The following TTC23 variants were observed in gnomAD, a reference collection of about 807,000 sequenced individuals.
TTC23 encodes tetratricopeptide repeat domain 23, also known as tetratricopeptide repeat protein 23.
TTC23 carries 58 observed loss-of-function variants against 55.1 expected under a neutral mutation model. The observed-to-expected ratio is 1.05, with a 90% CI of 0.85 to 1.31. The LOEUF (loss-of-function observed/expected upper bound fraction) is 1.31, where lower values mean the gene tolerates loss of function less well. Among genes scored for constraint, TTC23 ranks in the 50% most tolerant of loss-of-function variants. TTC23 has a pLI of 0.00. For missense variants in TTC23, 516 were observed against 534.4 expected, an observed-to-expected ratio of 0.97 and a Z score of 0.34; for synonymous variants, 203 against 199.9, an observed-to-expected ratio of 1.02 and a Z score of -0.13.
upstream of TTC23, among the ~76,000 whole-genome samples, chr15:99,251,002 T>TA (rs1333348182): frequency 2.0e-5 from 3 of 152,314 alleles, no homozygotes; most frequent in South Asian, 6.2e-4. Context: ...AGATAATCTA[T>TA]AAACAGCTCT....
chr15:99,250,967 T>A (rs1198412355), upstream of TTC23, among the ~76,000 whole-genome samples: 1 of 152,184 alleles, frequency 6.6e-6, no homozygotes, highest in Non-Finnish European at 1.5e-5. Flanking sequence ...CCCTGTGTCA[T>A]GGGATTGCTG....
chr15:99,139,930 C>A (rs1191876751), intron 12 of TTC23: 7 of 366,080 alleles, frequency 1.9e-5, no homozygotes, highest in African/African-American at 4.2e-5. Context: ...TACTTTAAGT[C>A]TTGCCATTTG....
intron 8 of TTC23, 130 bp downstream of exon 8, chr15:99,218,458 C>T: frequency 8.1e-7 from 1 of 1,231,228 alleles, no homozygotes; most frequent in Non-Finnish European, 1.1e-6. Context: ...TCCTCTTTTA[C>T]TTTTACACAG....
intron 9 of TTC23, among the ~76,000 whole-genome samples, chr15:99,176,980 G>C (rs1270474060): frequency 6.6e-6 from 1 of 152,170 alleles, no homozygotes; most frequent in African/African-American, 2.4e-5. Context: ...GTCCTCAGGA[G>C]CTGTGATTCA....
At chr15:99,231,238 A>G (rs1349415028) in intron 4 of TTC23, among the ~76,000 whole-genome samples, 2 of 152,266 alleles carry the variant, frequency 1.3e-5, no homozygotes, top group African/African-American at 4.8e-5. Flanking sequence ...TATTTAATAT[A>G]CTACATTTTA....
intron 9 of TTC23, among the ~76,000 whole-genome samples, chr15:99,178,696 C>G (rs2073839559): frequency 6.6e-6 from 1 of 152,202 alleles, no homozygotes; most frequent in Non-Finnish European, 1.5e-5. Flanking sequence ...CCTATCTACC[C>G]TTACTCTTGT....
At chr15:99,177,816 C>T (rs1458866952) in intron 9 of TTC23, among the ~76,000 whole-genome samples, 1 of 152,144 alleles carries the variant, frequency 6.6e-6, no homozygotes, top group Non-Finnish European at 1.5e-5. Context: ...TCTGAAAACA[C>T]TGTAAGTTGT....
rs1255689651 is a variant in TTC23, at chr15:99,164,562, A to G, written c.866-2695T>C. On this transcript the variant is annotated intron_variant, in intron 10 of 13. Transcript: ENST00000394132. ...TGACATTTCCACTTGGAAATATCAT[A>G]TTTATTATGGAGCACTGTACAAACC... Among the ~76,000 whole-genome samples, 4 of 152,306 alleles carry G rather than the reference A, an allele frequency of 2.6e-5. No individual in the cohort carries two copies. In the East Asian group the frequency reaches 7.7e-4, roughly 29 times the overall value.
chr15:99,228,298 T>G (rs2078633356), intron 5 of TTC23: 1 of 347,362 alleles, frequency 2.9e-6, no homozygotes, highest in South Asian at 1.3e-4. Flanking sequence ...TCCCAATGCC[T>G]AGACTTGGCA....
chr15:99,204,849 T>C (rs532349188), intron 8 of TTC23, among the ~76,000 whole-genome samples: 1 of 152,046 alleles, frequency 6.6e-6, no homozygotes, highest in Non-Finnish European at 1.5e-5. Context: ...TTGCCCAGAC[T>C]GGTCTTGAAC....
chr15:99,217,760 C>T (rs1412261288), intron 8 of TTC23, among the ~76,000 whole-genome samples: 1 of 152,230 alleles, frequency 6.6e-6, no homozygotes, highest in East Asian at 1.9e-4. Context: ...GTTCTTCCCA[C>T]TTTCCATTCA....
At chr15:99,228,351 C>T in intron 5 of TTC23, 182 bp downstream of exon 5, 1 of 462,392 alleles carries the variant, frequency 2.2e-6, no homozygotes, top group East Asian at 3.3e-5. Context: ...GCCATGCGAA[C>T]TGCTGTGCTT....
chr15:99,235,239 C>T (rs1239108586), intron 3 of TTC23, among the ~76,000 whole-genome samples, 159 bp from the exon 4 acceptor site: 1 of 151,868 alleles, frequency 6.6e-6, no homozygotes, highest in Non-Finnish European at 1.5e-5. Flanking sequence ...CAGAGGAAGA[C>T]ACCATCTCAA....
chr15:99,147,225 C>CTT (rs58503901), intron 12 of TTC23, among the ~76,000 whole-genome samples: 4 of 112,590 alleles, frequency 3.6e-5, no homozygotes, highest in Non-Finnish European at 7.0e-5. Context: ...AAATTCATTC[C>CTT]TTTTTTTTTT....
chr15:99,247,937 T>C (rs909463761), intron 1 of TTC23, among the ~76,000 whole-genome samples: 15 of 152,270 alleles, frequency 9.9e-5, no homozygotes, highest in African/African-American at 3.4e-4. Context: ...TTATACTTCA[T>C]TAAAGCTGTT....
rs561265209 is a variant in TTC23 at position 99,182,340 on chromosome 15, A to G, written c.760-7185T>C. ...CTCTTAGCTTCATCTCCTATGACCC[A>G]TACTGGGCTCCAGCCACAATGGCCA... On this transcript the variant is annotated intron_variant, in intron 9 of 13. Transcript: ENST00000394132. Among the ~76,000 whole-genome samples, 39 of 151,858 alleles carry G rather than the reference A, an allele frequency of 2.6e-4. 1 individual carries two copies. The highest frequency in any genetic ancestry group is 8.9e-4 in the African/African-American group (37 of 41,374).
At position 99,167,449 on chromosome 15, in the gene TTC23, C is replaced by T. The variant is rs79924412; in HGVS notation, c.866-5582G>A. Among the ~76,000 whole-genome samples the T allele has an allele frequency of 8.2e-3, 1,245 of 152,296 alleles. 17 individuals carry two copies. Among genetic ancestry groups the T allele is most frequent in the African/African-American group, 0.029 (1,200 of 41,562 alleles). On this transcript the variant is annotated intron_variant, in intron 10 of 13. Transcript: ENST00000394132. ...TAATGGCACAGGTGTTCCAAGGCCA[C>T]GAATCTTCTATTTTCACTCTAACAG...
intron 5 of TTC23, among the ~76,000 whole-genome samples, chr15:99,226,280 C>T (rs2078404494): frequency 6.6e-6 from 1 of 151,888 alleles, no homozygotes; most frequent in Non-Finnish European, 1.5e-5. Context: ...TAATTACGAT[C>T]ACTGTACTGT....
intron 4 of TTC23, among the ~76,000 whole-genome samples, chr15:99,233,034 C>G (rs138950429): frequency 3.9e-5 from 6 of 152,234 alleles, no homozygotes; most frequent in Admixed American, 6.5e-5. Context: ...TAGCCAGGCA[C>G]AGAAAGACAA....
Sources: gnomAD v4.1 joint callset for allele counts (sites outside exome capture counted in the v4.1 genomes callset) on GRCh38, gnomAD v4.1.1 for gene constraint, MANE v1.5 for transcripts, NCBI Gene and HGNC (gene_info 2026-07-23, HGNC 2026-07-21) for gene names.